Variants in IFT22 observed in about 807,000 individuals in gnomAD.
IFT22 encodes intraflagellar transport 22.
Under a neutral mutation model 21.0 loss-of-function variants are expected in IFT22, and 13 were observed. The observed-to-expected ratio is 0.62, with a 90% CI of 0.40 to 0.98. The LOEUF is 0.98. IFT22 is among the 50% of genes least tolerant of loss of function. The probability of loss-of-function intolerance (pLI) is 0.00; values close to 1 mark genes in which losing one functional copy is unlikely to be tolerated. For missense variants in IFT22, 227 were observed against 228.9 expected, an observed-to-expected ratio of 0.99 and a Z score of 0.06; for synonymous variants, 67 against 82.4, an observed-to-expected ratio of 0.81 and a Z score of 1.01.
chr7:101,316,279 C>T, intron 4 of IFT22, 61 bp downstream of exon 4: 1 of 1,510,134 alleles, frequency 6.6e-7, no homozygotes, highest in African/African-American at 1.4e-5. Context: ...GGACATGGGA[C>T]AATATGTAGG....
chr7:101,317,956 C>A (rs1435175500), intron 3 of IFT22, among the ~76,000 whole-genome samples, 168 bp downstream of exon 3: 1 of 152,098 alleles, frequency 6.6e-6, no homozygotes, highest in Admixed American at 6.6e-5. Context: ...TTAGTAGAGA[C>A]GGAGTTTCGC....
Position 101,311,153 on chromosome 7 carries a change from C to T in IFT22, c.*3981G>A, listed in dbSNP as rs1410618118. On this transcript the variant is annotated 3_prime_UTR_variant, in exon 5 of 5. Transcript: ENST00000315322. ...GGACTACAGGTGCCCGCCACCACAC[C>T]CGGCTTATTTTTTGTATTTTTAGTA... Among the ~76,000 whole-genome samples the T allele has an allele frequency of 6.6e-6, 1 of 151,884 alleles. No individual in the cohort carries two copies. The highest frequency in any genetic ancestry group is 2.4e-5 in the African/African-American group (1 of 41,348).
intron 1 of IFT22, among the ~76,000 whole-genome samples, chr7:101,319,914 G>A (rs978409111): frequency 6.6e-6 from 1 of 151,962 alleles, no homozygotes; most frequent in East Asian, 1.9e-4. Context: ...CAAAGTGCTG[G>A]CAGGTGTTAG....
chr7:101,318,835 T>C, intron 2 of IFT22, 121 bp downstream of exon 2: 1 of 728,302 alleles, frequency 1.4e-6, no homozygotes, highest in Non-Finnish European at 2.4e-6. Context: ...GGGGTCTCCC[T>C]ATATTGCCCA....
Position 101,315,060 on chromosome 7 carries a change from G to A in IFT22, c.*74C>T. 6.7e-7 allele frequency: 1 copy of A among 1,486,710 alleles called. No individual in the cohort carries two copies. Among genetic ancestry groups the A allele is most frequent in the Non-Finnish European group, 9.2e-7 (1 of 1,091,502 alleles). 92.1% of individuals were successfully genotyped at this position (1,486,710 alleles called of 1,614,324 possible). On this transcript the variant is annotated 3_prime_UTR_variant, in exon 5 of 5. Coordinates refer to ENST00000315322, the MANE Select transcript of IFT22 (RefSeq NM_022777.4). ...GAGGGAGAAGAAAACATCAGGAGCT[G>A]GATGTGATTTCAGATCTGCACCGAG...
intron 3 of IFT22, among the ~76,000 whole-genome samples, chr7:101,316,910 C>A (rs574815275): frequency 6.6e-6 from 1 of 151,294 alleles, no homozygotes; most frequent in Non-Finnish European, 1.5e-5. Flanking sequence ...GGTGACAGAG[C>A]GAGACTCTGT....
At position 101,319,641 on chromosome 7, in the gene IFT22, C is replaced by CTTT. The variant is rs11443697; in HGVS notation, c.40-612_40-610dup. Among the ~76,000 whole-genome samples, 137 of 111,764 alleles carry CTTT rather than the reference C, an allele frequency of 1.2e-3. 2 individuals carry two copies. The highest frequency in any genetic ancestry group is 3.6e-3 in the African/African-American group (103 of 28,794). 73.3% of individuals were successfully genotyped at this position (111,764 alleles called of 152,430 possible). ...TCGATTATATGAGTAATACACATTG[C>CTTT]TTTTTTTTTTTTTTTTTTTTGAGAC... On this transcript the variant is annotated intron_variant, in intron 1 of 4. Coordinates refer to ENST00000315322, the MANE Select transcript of IFT22 (RefSeq NM_022777.4).
In IFT22 at chr7:101,318,954, A is replaced by G; in HGVS notation, c.116+2T>C. 1 of 1,611,944 alleles carries G rather than the reference A, an allele frequency of 6.2e-7. No individual in the cohort carries two copies. The highest frequency in any genetic ancestry group is 8.5e-7 in the Non-Finnish European group (1 of 1,178,062). On this transcript the variant is annotated splice_donor_variant, in intron 2 of 4. Transcript: ENST00000315322. LOFTEE classifies it high-confidence loss of function. ...CTGGGACACAGATTTGTCAGGGCTC[A>G]CCTCACTCCTTGGGTTGGGCTGTAT...
At chr7:101,318,442 C>G (rs1413590053) in intron 2 of IFT22, 2 of 380,976 alleles carry the variant, frequency 5.2e-6, no homozygotes, top group African/African-American at 4.2e-5. Flanking sequence ...ATCGCTTGAA[C>G]CTGGGAGGCG....
At position 101,321,780 on chromosome 7, in the gene IFT22, C is replaced by A; in HGVS notation, c.-71G>T. ...GCGTCAGGACGGAGCTCTACTTGGC[C>A]GCTTTCGTTTCCATGGCGACGGAGA... On this transcript the variant is annotated 5_prime_UTR_variant, in exon 1 of 5. Transcript: ENST00000315322. 3 of 1,439,692 alleles carry A rather than the reference C, an allele frequency of 2.1e-6. No individual in the cohort carries two copies. The South Asian group carries it at 4.1e-5, about 20-fold the overall frequency. The allele number at this position is 1,439,692 out of a possible 1,614,324, so 89.2% of individuals were successfully genotyped here. A position where few individuals can be genotyped will look rare whatever the true frequency, so the allele number is the denominator to read the frequency against.
In IFT22 at chr7:101,314,513, C is replaced by T. The variant is rs1790082144; in HGVS notation, c.*621G>A. The T allele has an allele frequency of 6.6e-6, 1 of 152,168 alleles. No individual in the cohort carries two copies. The allele number at this position is 152,168 out of a possible 1,614,324, so 9.4% of individuals were successfully genotyped here. A position where few individuals can be genotyped will look rare whatever the true frequency, so the allele number is the denominator to read the frequency against. ...GATTTTCTTTTTTGCATATCCAAGA[C>T]ATTGCACTCAAGTTTCTGAATCGGC... On this transcript the variant is annotated 3_prime_UTR_variant, in exon 5 of 5. Coordinates refer to ENST00000315322, the MANE Select transcript of IFT22 (RefSeq NM_022777.4).
In IFT22 at chr7:101,321,718, G is replaced by A. The variant is rs1038442318; in HGVS notation, c.-9C>T. The A allele has an allele frequency of 5.6e-6, 9 of 1,595,402 alleles. No homozygotes were observed. The highest frequency in any genetic ancestry group is 5.1e-6 in the Non-Finnish European group (6 of 1,170,816). ...ATCTTGGCTTTCAGCATAGTTGTCCGCCGCGGCTTAGCCGGCCGGAGCCCA... is the reference window on the plus strand; with the variant it reads ...ATCTTGGCTTTCAGCATAGTTGTCCACCGCGGCTTAGCCGGCCGGAGCCCA... On this transcript the variant is annotated 5_prime_UTR_variant, in exon 1 of 5. Coordinates refer to ENST00000315322, the MANE Select transcript of IFT22 (RefSeq NM_022777.4).
intron 3 of IFT22, among the ~76,000 whole-genome samples, chr7:101,317,180 CAA>C (rs1344230894): frequency 1.3e-5 from 2 of 151,834 alleles, no homozygotes; most frequent in African/African-American, 4.8e-5. Context: ...TTTTTGGAGA[CAA>C]GAGTCTGGCT....
rs753990985 is a variant in IFT22, at chr7:101,318,948, G to A, written c.116+8C>T. The A allele has an allele frequency of 6.2e-7, 1 of 1,608,716 alleles. No individual in the cohort carries two copies. The highest frequency in any genetic ancestry group is 8.5e-7 in the Non-Finnish European group (1 of 1,175,212). On this transcript the variant is annotated splice_region_variant and intron_variant, in intron 2 of 4. Transcript: ENST00000315322. ...GACACTCTGGGACACAGATTTGTCA[G>A]GGCTCACCTCACTCCTTGGGTTGGG...
In IFT22 at chr7:101,310,948, T is replaced by C; in HGVS notation, c.*4186A>G. On this transcript the variant is annotated 3_prime_UTR_variant, in exon 5 of 5. Transcript: ENST00000315322. ...TTACTCAATTCAAATATTTAATGGG[T>C]TGTACTCTGGCCATTCAGGTGAACA... 2.8e-6 allele frequency: 1 copy of C among 357,040 alleles called. No homozygotes were observed. Among genetic ancestry groups the C allele is most frequent in the Non-Finnish European group, 5.6e-6 (1 of 179,742 alleles). The allele number at this position is 357,040 out of a possible 1,614,324, so 22.1% of individuals were successfully genotyped here. A position where few individuals can be genotyped will look rare whatever the true frequency, so the allele number is the denominator to read the frequency against.
rs1377425783 is a variant in IFT22 at position 101,321,682 on chromosome 7, C to T, written c.28G>A (p.Gly10Arg). The change falls in exon 1 of 5, where the codon GGG becomes AGG. Residue 10 changes from glycine (G) to arginine (R), a missense_variant. Coordinates refer to ENST00000315322, the MANE Select transcript of IFT22 (RefSeq NM_022777.4). ...GGGCCAGGACTTACCTCGCAAGGCC[C>T]CACGAAGAGGATCTTGGCTTTCAGC... MLKAKILFVGPCESGKTVLA... is the reference protein window; with the variant it reads MLKAKILFVRPCESGKTVLA... The T allele has an allele frequency of 6.2e-7, 1 of 1,603,574 alleles. No homozygotes were observed. The highest frequency in any genetic ancestry group is 8.5e-7 in the Non-Finnish European group (1 of 1,175,362).
chr7:101,316,438 G>A lies in IFT22; in HGVS notation c.311C>T (p.Ser104Phe). ...SHRKEMEMWY[S>F]CFVQQPSLQD... Reference sequence around the variant, plus strand: ...TAAGGACGGCTGTTGGACAAAGCAGGAATACCACATCTCCATTTCCTTCCG... The same window carrying A: ...TAAGGACGGCTGTTGGACAAAGCAGAAATACCACATCTCCATTTCCTTCCG... Residue 104 changes from serine (S) to phenylalanine (F), a missense_variant, in exon 4 of 5, where the codon TCC becomes TTC. Ser to Phe is a radical substitution (Grantham distance 155, BLOSUM62 -2). Coordinates refer to ENST00000315322, the MANE Select transcript of IFT22 (RefSeq NM_022777.4). 6.2e-7 allele frequency: 1 copy of A among 1,614,124 alleles called. No individual in the cohort carries two copies. Among genetic ancestry groups the A allele is most frequent in the Non-Finnish European group, 8.5e-7 (1 of 1,180,030 alleles).
intron 3 of IFT22, among the ~76,000 whole-genome samples, chr7:101,317,215 G>A (rs1490519602): frequency 6.6e-6 from 1 of 151,506 alleles, no homozygotes; most frequent in South Asian, 2.1e-4. Flanking sequence ...CTTGAGTGCC[G>A]TAGCACGATC....
chr7:101,319,062 T>G (rs148217796), intron 1 of IFT22, 30 bp from the exon 2 acceptor site: 123 of 1,612,026 alleles, frequency 7.6e-5, no homozygotes, highest in Middle Eastern at 1.7e-4. Context: ...TAAAGGTCTT[T>G]GCTGAAAGGC....
Sources: allele counts gnomAD v4.1 joint callset (sites outside exome capture counted in the v4.1 genomes callset), GRCh38; gene constraint gnomAD v4.1.1; transcripts MANE v1.5; gene names NCBI Gene and HGNC (gene_info 2026-07-23, HGNC 2026-07-21).